Variants in SORCS3 observed in about 807,000 individuals in gnomAD.
The protein encoded by SORCS3 is VPS10 domain-containing receptor SorCS3.
In SORCS3, 57 loss-of-function variants were observed where a neutral mutation model predicts 146.3. The ratio of observed to expected loss-of-function variants is 0.39; its 90% confidence interval spans 0.31 to 0.49. SORCS3 has a LOEUF of 0.49. SORCS3 is among the 20% of genes least tolerant of loss of function. The pLI, the probability that SORCS3 is intolerant of heterozygous loss-of-function variation, is 0.92. For missense variants in SORCS3, 1,341 were observed against 1,575.5 expected (o/e 0.85, Z 2.52); for synonymous variants, 653 against 618.5 (o/e 1.06, Z -0.83).
At chr10:105,132,451 G>A (rs190577423) in intron 7 of SORCS3, among the ~76,000 whole-genome samples, 47 of 152,252 alleles carry the variant, frequency 3.1e-4, no homozygotes, top group African/African-American at 1.1e-3. Context: ...TCTAGAAACA[G>A]TTTAAGTTTT....
intron 18 of SORCS3, among the ~76,000 whole-genome samples, chr10:105,216,296 G>A (rs538242834): frequency 4.6e-5 from 7 of 152,210 alleles, no homozygotes; most frequent in Admixed American, 1.3e-4. Context: ...TTTGCAGATG[G>A]TGTTATATAA....
chr10:105,145,069 C>T (rs547360903), intron 8 of SORCS3, among the ~76,000 whole-genome samples: 2 of 152,022 alleles, frequency 1.3e-5, no homozygotes, highest in African/African-American at 2.4e-5. Flanking sequence ...TAATTTCAGG[C>T]GGTGGTCAGG....
intron 1 of SORCS3, among the ~76,000 whole-genome samples, chr10:104,731,519 T>C (rs1447258970): frequency 1.3e-5 from 2 of 152,172 alleles, no homozygotes; most frequent in Non-Finnish European, 1.5e-5. Context: ...AACTCTGACA[T>C]TCCCCTTCAA....
intron 3 of SORCS3, among the ~76,000 whole-genome samples, chr10:104,935,106 G>A (rs530726298): frequency 3.2e-4 from 48 of 152,184 alleles, no homozygotes; most frequent in Non-Finnish European, 5.4e-4. Flanking sequence ...GCCAATCATC[G>A]TATGATTAAT....
intron 1 of SORCS3, among the ~76,000 whole-genome samples, chr10:104,654,592 A>C (rs2015602174): frequency 6.6e-6 from 1 of 152,200 alleles, no homozygotes; most frequent in Non-Finnish European, 1.5e-5. Flanking sequence ...GGCATGTCTA[A>C]AATTTTGTTT....
chr10:105,008,809 G>A (rs2055113680), intron 4 of SORCS3, among the ~76,000 whole-genome samples: 1 of 152,074 alleles, frequency 6.6e-6, no homozygotes, highest in Non-Finnish European at 1.5e-5. Flanking sequence ...ATCACTGCTG[G>A]CTAATTTTTG....
intron 1 of SORCS3, among the ~76,000 whole-genome samples, chr10:104,821,910 A>G (rs1237487804): frequency 6.6e-6 from 1 of 152,210 alleles, no homozygotes; most frequent in Admixed American, 6.5e-5. Context: ...AAGCAGAGCC[A>G]GGTACATAGT....
intron 1 of SORCS3, among the ~76,000 whole-genome samples, chr10:104,841,109 C>A (rs1271556309): frequency 6.6e-6 from 1 of 152,112 alleles, no homozygotes; most frequent in Non-Finnish European, 1.5e-5. Context: ...CAGAAATTAT[C>A]TGGCAACTTG....
chr10:104,983,911 T>C (rs1053791641), intron 4 of SORCS3, among the ~76,000 whole-genome samples: 4 of 152,056 alleles, frequency 2.6e-5, no homozygotes, highest in Non-Finnish European at 5.9e-5. Flanking sequence ...ATTTTAAAAA[T>C]GGGATTTTAA....
chr10:104,982,502 G>T (rs1330828932), intron 4 of SORCS3, among the ~76,000 whole-genome samples: 1 of 152,214 alleles, frequency 6.6e-6, no homozygotes, highest in Non-Finnish European at 1.5e-5. Flanking sequence ...AACTAGGGAT[G>T]ACCATGGCTT....
intron 1 of SORCS3, among the ~76,000 whole-genome samples, chr10:104,757,725 G>A (rs548811338): frequency 6.6e-6 from 1 of 151,862 alleles, no homozygotes; most frequent in Admixed American, 6.6e-5. Context: ...TCTTTCTTTC[G>A]AGTTCTCATT....
chr10:104,956,105 C>T (rs193057884), intron 3 of SORCS3, among the ~76,000 whole-genome samples: 3 of 152,120 alleles, frequency 2.0e-5, no homozygotes, highest in African/African-American at 4.8e-5. Context: ...ACAATGGTAA[C>T]GTGGGATATT....
At chr10:104,693,560 A>G (rs1267170764) in intron 1 of SORCS3, among the ~76,000 whole-genome samples, 1 of 152,084 alleles carries the variant, frequency 6.6e-6, no homozygotes, top group Non-Finnish European at 1.5e-5. Context: ...TATGACCGCA[A>G]CCTTGACAGT....
At chr10:105,070,281 A>G (rs1321499624) in intron 5 of SORCS3, among the ~76,000 whole-genome samples, 1 of 152,240 alleles carries the variant, frequency 6.6e-6, no homozygotes, top group African/African-American at 2.4e-5. Flanking sequence ...ACTAAGGTTG[A>G]GAGTGGTTAT....
At chr10:104,822,832 C>G (rs1482873498) in intron 1 of SORCS3, among the ~76,000 whole-genome samples, 1 of 151,980 alleles carries the variant, frequency 6.6e-6, no homozygotes, top group Non-Finnish European at 1.5e-5. Flanking sequence ...AAGTATGTGA[C>G]TAAGAGCTTG....
intron 1 of SORCS3, among the ~76,000 whole-genome samples, chr10:104,683,839 T>C (rs2016010146): frequency 6.6e-6 from 1 of 152,176 alleles, no homozygotes; most frequent in East Asian, 1.9e-4. Context: ...ATGTGTTTGG[T>C]AAGCATCTTC....
intron 1 of SORCS3, among the ~76,000 whole-genome samples, chr10:104,705,376 ACT>A (rs1352472706): frequency 1.3e-5 from 2 of 150,974 alleles, no homozygotes; most frequent in East Asian, 1.9e-4. Context: ...CAATTTAAAG[ACT>A]CTAGATTCTC....
chr10:105,013,277 A>G (rs936024830), intron 4 of SORCS3, among the ~76,000 whole-genome samples: 2 of 152,172 alleles, frequency 1.3e-5, no homozygotes, highest in Non-Finnish European at 2.9e-5. Context: ...CCAAAAACAT[A>G]TAACATATTA....
intron 2 of SORCS3, among the ~76,000 whole-genome samples, chr10:104,897,592 G>A (rs2018811023): frequency 6.6e-6 from 1 of 152,198 alleles, no homozygotes; most frequent in Non-Finnish European, 1.5e-5. Flanking sequence ...TTTTAATTTT[G>A]TTGGTACGAT....
Sources: gnomAD v4.1 joint callset for allele counts (sites outside exome capture counted in the v4.1 genomes callset) on GRCh38, gnomAD v4.1.1 for gene constraint, MANE v1.5 for transcripts, NCBI Gene and HGNC (gene_info 2026-07-23, HGNC 2026-07-21) for gene names.